ANXA8: variants seen among roughly 807,000 people sequenced by gnomAD.
ANXA8 encodes the protein VAC-beta.
ANXA8 carries 9 observed loss-of-function variants against 26.8 expected under a neutral mutation model. That is an observed-to-expected ratio of 0.34 (90% CI 0.20 to 0.59). The LOEUF is 0.59. Ranked by LOEUF, ANXA8 falls within the 20% of genes least tolerant of loss-of-function variation. ANXA8 has a pLI of 0.84. For missense variants in ANXA8, 83 were observed against 238.5 expected (o/e 0.35, Z 4.29); for synonymous variants, 39 against 94.8 (o/e 0.41, Z 3.42).
the ANXA8 span, among the ~76,000 whole-genome samples, chr10:47,937,415 T>C: frequency 1.0e-4 from 15 of 149,798 alleles, 1 homozygote; most frequent in Non-Finnish European, 1.5e-4. Context: ...AAAAGTTAAT[T>C]TAAGTTTTAA....
the ANXA8 span, among the ~76,000 whole-genome samples, chr10:47,950,618 T>C: frequency 6.7e-6 from 1 of 150,144 alleles, no homozygotes; most frequent in African/African-American, 2.5e-5. Context: ...AGGACCAAAA[T>C]AATATAGAAC....
the ANXA8 span, among the ~76,000 whole-genome samples, chr10:47,920,271 C>T: frequency 1.1e-5 from 1 of 91,228 alleles, no homozygotes; most frequent in Non-Finnish European, 2.1e-5. Flanking sequence ...GAGTCTCGCT[C>T]TGTTGCCCAG....
At chr10:47,666,725 C>T in the ANXA8 span, among the ~76,000 whole-genome samples, 2 of 151,810 alleles carry the variant, frequency 1.3e-5, no homozygotes, top group Non-Finnish European at 2.9e-5. Flanking sequence ...TTTTTTTCCC[C>T]TCAAATGTTA....
intron 2 of ANXA8, 27 bp from the exon 3 acceptor site, chr10:47,478,654 T>TGGGG: frequency 1.4e-6 from 1 of 704,418 alleles, no homozygotes; most frequent in Non-Finnish European, 2.2e-6. Flanking sequence ...CAAGTGACCC[T>TGGGG]GCTGCCCCCA....
chr10:47,930,083 AAC>A, the ANXA8 span, among the ~76,000 whole-genome samples: 2 of 152,138 alleles, frequency 1.3e-5, no homozygotes, highest in African/African-American at 2.4e-5. Context: ...CTATCTTTTG[AAC>A]AGGCTAAGAC....
the ANXA8 span, among the ~76,000 whole-genome samples, chr10:47,959,972 G>T: frequency 6.7e-6 from 1 of 149,950 alleles, no homozygotes; most frequent in South Asian, 2.1e-4. Flanking sequence ...CCCTCACTCG[G>T]TTCCCAGCTG....
At chr10:47,683,383 CA>C in the ANXA8 span, among the ~76,000 whole-genome samples, 2 of 151,630 alleles carry the variant, frequency 1.3e-5, no homozygotes, top group African/African-American at 4.8e-5. Context: ...CGCCCGCCAC[CA>C]CGCCCAGCTA....
chr10:47,899,780 C>T, the ANXA8 span, among the ~76,000 whole-genome samples: 7 of 117,204 alleles, frequency 6.0e-5, no homozygotes, highest in East Asian at 1.5e-3. Context: ...AAGTGCTGGG[C>T]GTGAGCCACC....
the ANXA8 span, among the ~76,000 whole-genome samples, chr10:47,951,175 C>A: frequency 6.7e-6 from 1 of 149,422 alleles, no homozygotes; most frequent in African/African-American, 2.5e-5. Flanking sequence ...TTTACGGCAA[C>A]AAATTTGACA....
the ANXA8 span, among the ~76,000 whole-genome samples, chr10:47,939,085 A>G: frequency 6.9e-6 from 1 of 145,520 alleles, no homozygotes; most frequent in Non-Finnish European, 1.5e-5. Context: ...CTCAGCTGAC[A>G]GGCATTTTCA....
the ANXA8 span, among the ~76,000 whole-genome samples, chr10:47,658,824 A>T: frequency 7.1e-6 from 1 of 140,896 alleles, no homozygotes; most frequent in African/African-American, 2.9e-5. Context: ...GTAACAGTGA[A>T]GTGTTGAGGT....
intron 6 of ANXA8, among the ~76,000 whole-genome samples, chr10:47,475,275 G>A (rs1280181042): frequency 2.5e-4 from 38 of 150,462 alleles, no homozygotes; most frequent in African/African-American, 5.3e-4. Flanking sequence ...CTCTCCTCCC[G>A]CTTCCAGGAT....
chr10:47,680,224 G>A, the ANXA8 span, among the ~76,000 whole-genome samples: 1 of 151,818 alleles, frequency 6.6e-6, no homozygotes, highest in East Asian at 1.9e-4. Flanking sequence ...ATTGCACAGT[G>A]GGGTGAGTAT....
At chr10:47,947,705 T>C in the ANXA8 span, among the ~76,000 whole-genome samples, 1 of 150,688 alleles carries the variant, frequency 6.6e-6, no homozygotes, top group African/African-American at 2.5e-5. Context: ...TTTCTGAGGC[T>C]TCCCCAACCA....
At chr10:47,498,048 C>T in the ANXA8 span, among the ~76,000 whole-genome samples, 7 of 150,786 alleles carry the variant, frequency 4.6e-5, no homozygotes, top group Admixed American at 1.3e-4. Flanking sequence ...TCAAGGAGAG[C>T]CCTTGGGTTG....
the ANXA8 span, among the ~76,000 whole-genome samples, chr10:47,744,854 T>A: frequency 6.6e-6 from 1 of 152,046 alleles, no homozygotes; most frequent in African/African-American, 2.4e-5. Flanking sequence ...TTCACATGAT[T>A]TTTGGATCAT....
At chr10:47,495,355 G>A in the ANXA8 span, among the ~76,000 whole-genome samples, 4,508 of 148,066 alleles carry the variant, frequency 0.03, 150 homozygotes, top group African/African-American at 0.11. Flanking sequence ...GCATGATCTC[G>A]GCTCACTGCA....
At chr10:47,625,811 A>AT in the ANXA8 span, among the ~76,000 whole-genome samples, 2 of 150,606 alleles carry the variant, frequency 1.3e-5, no homozygotes, top group Non-Finnish European at 2.9e-5. Context: ...TGTGCAATCA[A>AT]TTTTTTGAAC....
the ANXA8 span, among the ~76,000 whole-genome samples, chr10:47,647,847 G>GA: frequency 7.8e-3 from 1,179 of 151,822 alleles, 13 homozygotes; most frequent in South Asian, 0.042. Context: ...GACCACATAG[G>GA]AAATAGGAGA....
Sources: gnomAD v4.1 joint callset for allele counts (sites outside exome capture counted in the v4.1 genomes callset) on GRCh38, gnomAD v4.1.1 for gene constraint, MANE v1.5 for transcripts, NCBI Gene and HGNC (gene_info 2026-07-23, HGNC 2026-07-21) for gene names.